ANKRD45: variants seen among roughly 807,000 people sequenced by gnomAD.
The protein encoded by ANKRD45 is ankyrin repeat domain 45, also known as ankyrin repeat domain-containing protein 45.
ANKRD45 carries 21 observed loss-of-function variants against 28.1 expected under a neutral mutation model. The ratio of observed to expected loss-of-function variants is 0.75; its 90% CI spans 0.53 to 1.08. The LOEUF (loss-of-function observed/expected upper bound fraction) is 1.08. ANKRD45 is among the 50% of genes least tolerant of loss of function. The pLI, the probability that ANKRD45 is intolerant of heterozygous loss-of-function variation, is 0.00. For synonymous variants in ANKRD45, 86 were observed against 103.9 expected, an observed-to-expected ratio of 0.83 and a Z score of 1.05; for missense variants, 261 against 308.7, an observed-to-expected ratio of 0.85 and a Z score of 1.16.
the ANKRD45 span, among the ~76,000 whole-genome samples, chr1:173,688,605 C>CCT: frequency 2.1e-5 from 3 of 140,626 alleles, no homozygotes; most frequent in Non-Finnish European, 3.1e-5. Context: ...TCTGCCTCTT[C>CCT]CTCTCTCTCT....
At chr1:173,707,822 T>C in the ANKRD45 span, among the ~76,000 whole-genome samples, 1 of 152,196 alleles carries the variant, frequency 6.6e-6, no homozygotes, top group African/African-American at 2.4e-5. Context: ...CAGAGGACTT[T>C]GTTGAGACTG....
intron 3 of ANKRD45, among the ~76,000 whole-genome samples, chr1:173,637,814 C>T (rs1003401773): frequency 1.3e-5 from 2 of 152,194 alleles, no homozygotes; most frequent in African/African-American, 4.8e-5. Context: ...ACTAAGCACC[C>T]GTTCCCAACA....
At chr1:173,653,063 AT>A (rs563383422) in intron 2 of ANKRD45, among the ~76,000 whole-genome samples, 15 of 152,058 alleles carry the variant, frequency 9.9e-5, no homozygotes, top group East Asian at 7.7e-4. Context: ...GTATTCATTG[AT>A]TTTTTTGAAG....
At position 173,659,219 on chromosome 1, in the gene ANKRD45, A is replaced by G. The variant is rs200701520; in HGVS notation, c.200T>C (p.Met67Thr). ...DPENPHHEQAMQLLLEEDIVG... is the reference protein window; with the variant it reads ...DPENPHHEQATQLLLEEDIVG... ...GATGTCTTCTTCTAAGAGAAGCTGC[A>G]TGGCCTGTTCATGATGAGGATTCTC... Residue 67 changes from methionine to threonine, a missense_variant, in exon 2 of 6, where the codon ATG becomes ACG. Met to Thr is a moderately conservative substitution (Grantham distance 81). Coordinates refer to ENST00000333279, the MANE Select transcript of ANKRD45 (RefSeq NM_198493.3). 16 of 1,614,076 alleles carry G rather than the reference A, an allele frequency of 9.9e-6. No individual in the cohort carries two copies. Among genetic ancestry groups the G allele is most frequent in the Non-Finnish European group, 1.4e-5 (16 of 1,180,028 alleles).
At chr1:173,654,137 T>G (rs1669381167) in intron 2 of ANKRD45, among the ~76,000 whole-genome samples, 1 of 152,108 alleles carries the variant, frequency 6.6e-6, no homozygotes, top group South Asian at 2.1e-4. Flanking sequence ...GATCCTGACA[T>G]TATGATGTTA....
At chr1:173,679,048 G>A in the ANKRD45 span, among the ~76,000 whole-genome samples, 1 of 152,072 alleles carries the variant, frequency 6.6e-6, no homozygotes, top group Non-Finnish European at 1.5e-5. Flanking sequence ...AAAATAAGAG[G>A]ACACAAACAA....
chr1:173,665,987 C>G (rs1256278953), intron 1 of ANKRD45, among the ~76,000 whole-genome samples: 1 of 152,100 alleles, frequency 6.6e-6, no homozygotes, highest in Non-Finnish European at 1.5e-5. Context: ...GCACTCCAGC[C>G]TGGATGACTG....
At chr1:173,641,380 C>A (rs904326996) in intron 3 of ANKRD45, among the ~76,000 whole-genome samples, 2 of 152,154 alleles carry the variant, frequency 1.3e-5, no homozygotes, top group African/African-American at 4.8e-5. Flanking sequence ...ATCCATCATG[C>A]CAAGCTCTCT....
the ANKRD45 span, among the ~76,000 whole-genome samples, chr1:173,691,097 C>G: frequency 2.0e-5 from 3 of 152,224 alleles, no homozygotes; most frequent in Non-Finnish European, 4.4e-5. Flanking sequence ...TGCCCCACCC[C>G]CCACGGCTTT....
At chr1:173,661,242 G>A (rs1265508870) in intron 1 of ANKRD45, among the ~76,000 whole-genome samples, 1 of 152,036 alleles carries the variant, frequency 6.6e-6, no homozygotes, top group Non-Finnish European at 1.5e-5. Flanking sequence ...TGTGATAAAG[G>A]GAATTATATG....
chr1:173,636,708 TA>T (rs1446998217), intron 3 of ANKRD45: 6 of 735,926 alleles, frequency 8.2e-6, no homozygotes, highest in Admixed American at 3.0e-5. Context: ...GCTGTTTTAA[TA>T]AGGTTTGTTT....
chr1:173,698,998 C>T, the ANKRD45 span, among the ~76,000 whole-genome samples: 4 of 151,806 alleles, frequency 2.6e-5, no homozygotes, highest in African/African-American at 7.3e-5. Context: ...ATATCACCAC[C>T]GATCCCACAG....
the ANKRD45 span, among the ~76,000 whole-genome samples, chr1:173,697,043 G>A: frequency 5.3e-5 from 8 of 152,256 alleles, no homozygotes; most frequent in East Asian, 1.9e-4. Flanking sequence ...TAGCCAATTC[G>A]ATCAAGTGGA....
At chr1:173,662,672 C>T (rs1669829140) in intron 1 of ANKRD45, among the ~76,000 whole-genome samples, 2 of 152,092 alleles carry the variant, frequency 1.3e-5, no homozygotes, top group Admixed American at 1.3e-4. Flanking sequence ...GGGAAATCAC[C>T]TAGAGGATAC....
chr1:173,714,200 C>T, the ANKRD45 span, among the ~76,000 whole-genome samples: 1 of 152,332 alleles, frequency 6.6e-6, no homozygotes, highest in Non-Finnish European at 1.5e-5. Context: ...CCCCACCTTA[C>T]ACTTGTATCA....
intron 1 of ANKRD45, among the ~76,000 whole-genome samples, chr1:173,665,901 C>A (rs997530234): frequency 1.3e-5 from 2 of 151,910 alleles, no homozygotes; most frequent in Non-Finnish European, 2.9e-5. Context: ...GTGGTCCCAG[C>A]TACTTGGGAG....
chr1:173,696,331 C>T, the ANKRD45 span, among the ~76,000 whole-genome samples: 2 of 152,184 alleles, frequency 1.3e-5, no homozygotes, highest in Admixed American at 6.5e-5. Flanking sequence ...CTTTTGAGGA[C>T]TTAGTCATAA....
At chr1:173,669,681 T>C (rs1670180086) in intron 1 of ANKRD45, 136 bp downstream of exon 1, 1 of 341,592 alleles carries the variant, frequency 2.9e-6, no homozygotes, top group South Asian at 2.6e-5. Flanking sequence ...ACAGAAGCAG[T>C]GTGAGGACGC....
At chr1:173,662,929 C>T (rs139813332) in intron 1 of ANKRD45, among the ~76,000 whole-genome samples, 1 of 152,118 alleles carries the variant, frequency 6.6e-6, no homozygotes, top group African/African-American at 2.4e-5. Context: ...AACAATGACT[C>T]AACCATAAGA....
Sources: allele counts gnomAD v4.1 joint callset (sites outside exome capture counted in the v4.1 genomes callset), GRCh38; gene constraint gnomAD v4.1.1; transcripts MANE v1.5; gene names NCBI Gene and HGNC (gene_info 2026-07-23, HGNC 2026-07-21).